The following DAPP1 variants were observed in gnomAD, a reference collection of about 807,000 sequenced individuals.
DAPP1 encodes dual adapter for phosphotyrosine and 3-phosphotyrosine and 3-phosphoinositide.
A neutral mutation model predicts 41.5 loss-of-function variants in DAPP1; 20 were observed. The ratio of observed to expected loss-of-function variants is 0.48; its 90% CI spans 0.34 to 0.70. The LOEUF is 0.70. DAPP1 is among the 30% of genes least tolerant of loss of function. The pLI is 0.01. For synonymous variants in DAPP1, 113 were observed against 116.2 expected, an observed-to-expected ratio of 0.97 and a Z score of 0.18; for missense variants, 233 against 333.4, an observed-to-expected ratio of 0.70 and a Z score of 2.35.
chr4:99,866,054 C>A lies in DAPP1; in HGVS notation c.707C>A (p.Thr236Lys). ...NCFCLVFPFR[T>K]FYLCAKTGVE... ...ATTAGTTTGGTATTTCCATTCAGGACATTTTATCTCTGTGCAAAGACCGGA... is the reference window on the plus strand; with the variant it reads ...ATTAGTTTGGTATTTCCATTCAGGAAATTTTATCTCTGTGCAAAGACCGGA... The change falls in exon 8 of 9, where the codon ACA (threonine) becomes AAA (lysine). Residue 236 changes from threonine to lysine, a missense_variant. Coordinates refer to ENST00000512369, the MANE Select transcript of DAPP1 (RefSeq NM_014395.3). 1.3e-6 allele frequency: 2 copies of A among 1,570,520 alleles called. No individual in the cohort carries two copies. The highest frequency in any genetic ancestry group is 1.7e-6 in the Non-Finnish European group (2 of 1,154,116).
At chr4:99,822,601 G>C (rs943444716) in intron 1 of DAPP1, among the ~76,000 whole-genome samples, 1 of 152,132 alleles carries the variant, frequency 6.6e-6, no homozygotes, top group Non-Finnish European at 1.5e-5. Context: ...AATTGAAAAA[G>C]CTCACATGAA....
At chr4:99,849,729 A>G (rs546445748) in intron 3 of DAPP1, among the ~76,000 whole-genome samples, 1 of 152,312 alleles carries the variant, frequency 6.6e-6, no homozygotes, top group Non-Finnish European at 1.5e-5. Flanking sequence ...AAGTTTGCAG[A>G]TGGAATTAAG....
At chr4:99,854,192 A>G (rs1194401844) in intron 4 of DAPP1, among the ~76,000 whole-genome samples, 2 of 152,102 alleles carry the variant, frequency 1.3e-5, no homozygotes, top group Non-Finnish European at 2.9e-5. Flanking sequence ...TTTGTCCAAG[A>G]GTCCATTTAT....
chr4:99,839,859 C>A (rs1237115195), intron 2 of DAPP1, among the ~76,000 whole-genome samples: 4 of 152,188 alleles, frequency 2.6e-5, no homozygotes, highest in Admixed American at 6.5e-5. Context: ...GTCAGGAGTT[C>A]AAGACAAGCC....
In DAPP1 at chr4:99,839,382, G is replaced by GAT. The variant is rs1289349377; in HGVS notation, c.225-899_225-898dup. ...ATATAGATATATATAGATATCTATA[G>GAT]ATATATATAGATTAGATATCTATAG... On this transcript the variant is annotated intron_variant, in intron 2 of 8. Coordinates refer to ENST00000512369, the MANE Select transcript of DAPP1 (RefSeq NM_014395.3). 7.9e-3 allele frequency among the ~76,000 whole-genome samples: 1,160 copies of GAT among 147,456 alleles called. 16 individuals carry two copies. Among genetic ancestry groups the GAT allele is most frequent in the African/African-American group, 0.025 (1,009 of 40,242 alleles).
intron 7 of DAPP1, 62 bp downstream of exon 7, chr4:99,863,917 A>G: frequency 9.1e-7 from 1 of 1,097,092 alleles, no homozygotes; most frequent in Non-Finnish European, 1.3e-6. Context: ...TATTTTGGCT[A>G]AGGAATAGAA....
chr4:99,859,107 G>A (rs577926176), intron 4 of DAPP1, among the ~76,000 whole-genome samples: 12 of 151,884 alleles, frequency 7.9e-5, no homozygotes, highest in Non-Finnish European at 1.6e-4. Context: ...GTAGAGTCAA[G>A]GTTTCACCAT....
chr4:99,854,535 C>T (rs1723978281), intron 4 of DAPP1, among the ~76,000 whole-genome samples: 1 of 152,158 alleles, frequency 6.6e-6, no homozygotes, highest in Non-Finnish European at 1.5e-5. Context: ...GCCACATGAC[C>T]TCTGCTTTAC....
chr4:99,834,041 G>A (rs928756825), intron 1 of DAPP1, among the ~76,000 whole-genome samples: 6 of 152,112 alleles, frequency 3.9e-5, no homozygotes, highest in African/African-American at 1.4e-4. Flanking sequence ...CTAGTAAGAG[G>A]TACCACCTGG....
intron 1 of DAPP1, among the ~76,000 whole-genome samples, chr4:99,834,208 G>A (rs929557091): frequency 2.0e-5 from 3 of 152,150 alleles, no homozygotes; most frequent in Non-Finnish European, 4.4e-5. Context: ...AATAAATAAT[G>A]CTCGTATGTT....
At chr4:99,847,039 G>A (rs1206555664) in intron 3 of DAPP1, among the ~76,000 whole-genome samples, 1 of 152,186 alleles carries the variant, frequency 6.6e-6, no homozygotes, top group Non-Finnish European at 1.5e-5. Flanking sequence ...CCTGAGGGCA[G>A]TAATGAAACA....
intron 4 of DAPP1, among the ~76,000 whole-genome samples, chr4:99,857,391 G>T (rs1026275086): frequency 6.6e-6 from 1 of 152,118 alleles, no homozygotes; most frequent in African/African-American, 2.4e-5. Context: ...TAGAGATTGA[G>T]ATTAATATAG....
rs752440520 is a variant in DAPP1, at chr4:99,868,084, A to G, written c.775-33A>G. On this transcript the variant is annotated intron_variant, in intron 8 of 8. Transcript: ENST00000512369. ...AGCCAGGGTTCATTACAATCACTCA[A>G]TAATGGATACACGTGTGTGTACTTT... 13 of 1,584,870 alleles carry G rather than the reference A, an allele frequency of 8.2e-6. 1 individual carries two copies. The highest frequency in any genetic ancestry group is 1.1e-5 in the South Asian group (1 of 90,422).
At chr4:99,828,470 T>C (rs1723016461) in intron 1 of DAPP1, among the ~76,000 whole-genome samples, 1 of 152,206 alleles carries the variant, frequency 6.6e-6, no homozygotes, top group African/African-American at 2.4e-5. Context: ...TAAAAGCCTC[T>C]CCTTTAAAGA....
chr4:99,838,845 A>C (rs1723390724), intron 2 of DAPP1, among the ~76,000 whole-genome samples: 1 of 152,248 alleles, frequency 6.6e-6, no homozygotes, highest in South Asian at 2.1e-4. Context: ...GAGGTTGACA[A>C]ATAACATAAA....
chr4:99,847,372 A>G (rs1231360353), intron 3 of DAPP1, among the ~76,000 whole-genome samples: 1 of 152,072 alleles, frequency 6.6e-6, no homozygotes, highest in Admixed American at 6.6e-5. Flanking sequence ...CCTTCAATGC[A>G]ATTTCATATT....
At chr4:99,866,459 A>G in intron 8 of DAPP1, 1 of 734,744 alleles carries the variant, frequency 1.4e-6, no homozygotes, top group Admixed American at 1.9e-5. Flanking sequence ...AGGAAAGCTG[A>G]CATACTTCTC....
At chr4:99,817,256 G>T (rs1253721601) in intron 1 of DAPP1, among the ~76,000 whole-genome samples, 1 of 152,100 alleles carries the variant, frequency 6.6e-6, no homozygotes, top group Non-Finnish European at 1.5e-5. Context: ...AGAAAATAGG[G>T]AAAAAAATCA....
At chr4:99,817,580 C>A (rs969468996) in intron 1 of DAPP1, among the ~76,000 whole-genome samples, 3 of 152,122 alleles carry the variant, frequency 2.0e-5, no homozygotes, top group African/African-American at 4.8e-5. Context: ...CAACTTTGAG[C>A]CTTTCAGTAC....
Sources: allele counts gnomAD v4.1 joint callset (sites outside exome capture counted in the v4.1 genomes callset), GRCh38; gene constraint gnomAD v4.1.1; transcripts MANE v1.5; gene names NCBI Gene and HGNC (gene_info 2026-07-23, HGNC 2026-07-21).